KIAA1328: variants seen among roughly 807,000 people sequenced by gnomAD.
The protein encoded by KIAA1328 is protein hinderin.
Under a neutral mutation model 68.1 loss-of-function variants are expected in KIAA1328, and 52 were observed. That is an observed-to-expected ratio of 0.76 (90% CI 0.61 to 0.96). The LOEUF (loss-of-function observed/expected upper bound fraction) is 0.96. Ranked by LOEUF, KIAA1328 falls within the 40% of genes least tolerant of loss-of-function variation. The probability of loss-of-function intolerance (pLI) is 0.00; values close to 1 mark genes in which losing one functional copy is unlikely to be tolerated. For missense variants in KIAA1328, 641 were observed against 677.6 expected (o/e 0.95, Z 0.60); for synonymous variants, 232 against 239.4 (o/e 0.97, Z 0.28).
At chr18:37,092,429 C>G (rs1022825062) in intron 7 of KIAA1328, among the ~76,000 whole-genome samples, 3 of 151,948 alleles carry the variant, frequency 2.0e-5, no homozygotes, top group Non-Finnish European at 2.9e-5. Context: ...GTCCTGCAGT[C>G]TTATTCTGCT....
At chr18:37,072,263 C>T (rs1287288052) in intron 7 of KIAA1328, among the ~76,000 whole-genome samples, 1 of 149,272 alleles carries the variant, frequency 6.7e-6, no homozygotes, top group African/African-American at 2.5e-5. Context: ...AGGGTACTAC[C>T]ATTGCTGAAT....
intron 5 of KIAA1328, among the ~76,000 whole-genome samples, chr18:36,949,902 G>A (rs545836747): frequency 3.9e-5 from 6 of 152,232 alleles, no homozygotes; most frequent in Non-Finnish European, 7.4e-5. Context: ...CACCGAATTT[G>A]CCATAAATTT....
chr18:37,174,176 G>C (rs150865876), intron 9 of KIAA1328, among the ~76,000 whole-genome samples: 1 of 152,096 alleles, frequency 6.6e-6, no homozygotes, highest in African/African-American at 2.4e-5. Context: ...TTTAAAATTA[G>C]GAAACTAAAG....
chr18:37,090,706 A>G (rs2057242258), intron 7 of KIAA1328, among the ~76,000 whole-genome samples: 1 of 150,876 alleles, frequency 6.6e-6, no homozygotes, highest in Non-Finnish European at 1.5e-5. Context: ...TGGTCTTCTC[A>G]GAGGCATTTA....
In KIAA1328 at chr18:36,962,597, A is replaced by G. The variant is rs190558892; in HGVS notation, c.576+3162A>G. On this transcript the variant is annotated intron_variant, in intron 6 of 9. Transcript: ENST00000280020. ...TAAAGCACTCCTCAGCAAATGTAAC[A>G]GAACAGAAATCACAACAAACTGTCT... Among the ~76,000 whole-genome samples the G allele has an allele frequency of 1.0e-3, 153 of 152,352 alleles. 1 individual carries two copies. The highest frequency in any genetic ancestry group is 5.0e-4 in the Non-Finnish European group (34 of 68,028).
intron 4 of KIAA1328, among the ~76,000 whole-genome samples, chr18:36,851,491 G>A (rs1420335476): frequency 6.7e-6 from 1 of 149,614 alleles, no homozygotes; most frequent in Non-Finnish European, 1.5e-5. Flanking sequence ...CTTGGTATAG[G>A]TCCATTCAGA....
In KIAA1328 at chr18:36,934,938, G is replaced by A. The variant is rs200346997; in HGVS notation, c.449-24370G>A. Among the ~76,000 whole-genome samples, 3 of 152,152 alleles carry A rather than the reference G, an allele frequency of 2.0e-5. No homozygotes were observed. The East Asian group carries it at 5.8e-4, about 29-fold the overall frequency. On this transcript the variant is annotated intron_variant, in intron 5 of 9. Transcript: ENST00000280020. ...ATTGGTCCAAGTTAGGTCTCAAAGG[G>A]CAAATCACTTTAAAAACCAATCACT...
At chr18:37,086,487 T>C (rs2057108025) in intron 7 of KIAA1328, among the ~76,000 whole-genome samples, 1 of 152,244 alleles carries the variant, frequency 6.6e-6, no homozygotes, top group Non-Finnish European at 1.5e-5. Context: ...CCTATCATCC[T>C]GGAAATTTTC....
At chr18:37,213,463 A>C (rs2060358671) in intron 9 of KIAA1328, among the ~76,000 whole-genome samples, 1 of 152,142 alleles carries the variant, frequency 6.6e-6, no homozygotes, top group African/African-American at 2.4e-5. Context: ...CCATGTCCCT[A>C]CAAAGGAGAT....
chr18:37,058,615 G>A (rs2056019196), intron 6 of KIAA1328, among the ~76,000 whole-genome samples: 1 of 152,004 alleles, frequency 6.6e-6, no homozygotes, highest in East Asian at 1.9e-4. Context: ...GGGAGGCTGA[G>A]GCAAGAGAAT....
chr18:36,972,307 A>G (rs1382648618), intron 6 of KIAA1328, among the ~76,000 whole-genome samples: 1 of 152,190 alleles, frequency 6.6e-6, no homozygotes, highest in African/African-American at 2.4e-5. Flanking sequence ...TGTAAAACCT[A>G]GTTTCAGTTA....
At chr18:37,200,574 G>T (rs1186378239) in intron 9 of KIAA1328, among the ~76,000 whole-genome samples, 1 of 152,042 alleles carries the variant, frequency 6.6e-6, no homozygotes, top group Non-Finnish European at 1.5e-5. Flanking sequence ...CACTTTGGGA[G>T]GCCGAGGCGG....
chr18:37,049,144 A>G (rs913012380), intron 6 of KIAA1328, among the ~76,000 whole-genome samples: 2 of 152,194 alleles, frequency 1.3e-5, no homozygotes, highest in African/African-American at 4.8e-5. Context: ...AGTTTAAGAG[A>G]ACTGTAAATA....
chr18:36,839,878 G>C (rs1393952859), intron 3 of KIAA1328, among the ~76,000 whole-genome samples: 3 of 152,134 alleles, frequency 2.0e-5, no homozygotes, highest in Admixed American at 2.0e-4. Context: ...ATTAGCTACA[G>C]AAATTGTTTC....
At chr18:37,081,697 G>C (rs926359959) in intron 7 of KIAA1328, among the ~76,000 whole-genome samples, 3 of 152,146 alleles carry the variant, frequency 2.0e-5, no homozygotes, top group African/African-American at 7.2e-5. Flanking sequence ...CTTTTCCTAA[G>C]AAATAAAGTT....
intron 7 of KIAA1328, among the ~76,000 whole-genome samples, chr18:37,134,260 C>A (rs2154205608): frequency 6.6e-6 from 1 of 152,284 alleles, no homozygotes. Context: ...ATCTGCCATC[C>A]TCAGCCTCCT....
intron 3 of KIAA1328, among the ~76,000 whole-genome samples, chr18:36,836,139 T>C (rs890421519): frequency 6.6e-6 from 1 of 152,180 alleles, no homozygotes; most frequent in Non-Finnish European, 1.5e-5. Context: ...CTGTGAATTA[T>C]GTTCTCAAAG....
At chr18:36,946,998 A>T (rs2050929607) in intron 5 of KIAA1328, among the ~76,000 whole-genome samples, 3 of 151,982 alleles carry the variant, frequency 2.0e-5, no homozygotes. Context: ...GACCACTTAA[A>T]CTCGGTTTAC....
At position 36,844,308 on chromosome 18, in the gene KIAA1328, A is replaced by AT. The variant is rs752853218; in HGVS notation, c.332+7dup. ...TTAATTAAAGAACTGGCCAGGTGAGATAAAACCTTATATGAAATGATTTAT... is the reference window on the plus strand; with the variant it reads ...TTAATTAAAGAACTGGCCAGGTGAGATTAAAACCTTATATGAAATGATTTAT... On this transcript the variant is annotated splice_region_variant and intron_variant, in intron 4 of 9. Coordinates refer to ENST00000280020, the MANE Select transcript of KIAA1328 (RefSeq NM_020776.3). 1.3e-6 allele frequency: 2 copies of AT among 1,537,714 alleles called. No homozygotes were observed. Among genetic ancestry groups the AT allele is most frequent in the African/African-American group, 2.8e-5 (2 of 71,908 alleles).
Sources: gnomAD v4.1 joint callset for allele counts (sites outside exome capture counted in the v4.1 genomes callset) on GRCh38, gnomAD v4.1.1 for gene constraint, MANE v1.5 for transcripts, NCBI Gene and HGNC (gene_info 2026-07-23, HGNC 2026-07-21) for gene names.